The following TPST1 variants were observed in gnomAD, a reference collection of about 807,000 sequenced individuals.
The protein encoded by TPST1 is protein-tyrosine sulfotransferase 1.
TPST1 carries 20 observed loss-of-function variants against 34.8 expected under a neutral mutation model. The ratio of observed to expected loss-of-function variants is 0.57; its 90% CI spans 0.40 to 0.84. The LOEUF (loss-of-function observed/expected upper bound fraction) is 0.84, where lower values mean the gene tolerates loss of function less well. Among genes scored for constraint, TPST1 ranks in the 40% least tolerant of loss-of-function variants. The pLI is 0.00. For missense variants in TPST1, 353 were observed against 455.5 expected (o/e 0.78, Z 2.05); for synonymous variants, 152 against 159.4 (o/e 0.95, Z 0.35).
intron 5 of TPST1, among the ~76,000 whole-genome samples, chr7:66,358,430 A>C (rs924055146): frequency 6.6e-6 from 1 of 151,682 alleles, no homozygotes; most frequent in African/African-American, 2.4e-5. Context: ...TTGCATATAT[A>C]TAAGATGATA....
intron 2 of TPST1, among the ~76,000 whole-genome samples, chr7:66,272,587 CTTTTTTTTTT>C (rs555211164): frequency 7.4e-6 from 1 of 135,884 alleles, no homozygotes; most frequent in African/African-American, 2.7e-5. Flanking sequence ...CACCCCAATT[CTTTTTTTTTT>C]TTTTTTTCTG....
intron 1 of TPST1, among the ~76,000 whole-genome samples, chr7:66,233,587 G>A (rs780429530): frequency 1.3e-5 from 2 of 152,112 alleles, no homozygotes; most frequent in African/African-American, 4.8e-5. Flanking sequence ...ATTGTCTTAC[G>A]ATTGTAGCAT....
chr7:66,359,830 C>T lies in TPST1; in HGVS notation c.*30-65C>T, dbSNP rs527405801. On this transcript the variant is annotated intron_variant, in intron 5 of 5. Coordinates refer to ENST00000304842, the MANE Select transcript of TPST1 (RefSeq NM_003596.4). ...AGGCCTGTAGCTGGGAAGGAAGAGA[C>T]GAAGACACAGGGAGAACACACCGGG... The T allele has an allele frequency of 9.1e-4, 415 of 453,776 alleles. 1 individual carries two copies. Among genetic ancestry groups the T allele is most frequent in the African/African-American group, 7.5e-3 (374 of 50,110 alleles). The allele number at this position is 453,776 out of a possible 1,614,324, so 28.1% of individuals were successfully genotyped here.
At chr7:66,228,834 T>C (rs1789718221) in intron 1 of TPST1, among the ~76,000 whole-genome samples, 2 of 152,210 alleles carry the variant, frequency 1.3e-5, no homozygotes, top group African/African-American at 4.8e-5. Flanking sequence ...CTCCTGTTCT[T>C]GGTTCTCTCC....
At chr7:66,241,318 A>G (rs566420060) in intron 2 of TPST1, 48 bp downstream of exon 2, 1 of 1,553,570 alleles carries the variant, frequency 6.4e-7, no homozygotes, top group Admixed American at 1.9e-5. Context: ...TTAGCTAATA[A>G]TGATCTATAC....
At chr7:66,326,908 G>T (rs1366042075) in intron 3 of TPST1, among the ~76,000 whole-genome samples, 1 of 152,168 alleles carries the variant, frequency 6.6e-6, no homozygotes, top group Admixed American at 6.5e-5. Flanking sequence ...GCACAAGACT[G>T]TTGAACTTTC....
intron 1 of TPST1, among the ~76,000 whole-genome samples, chr7:66,232,097 G>A (rs1789809183): frequency 6.6e-6 from 1 of 152,078 alleles, no homozygotes; most frequent in Non-Finnish European, 1.5e-5. Context: ...TGTGAACATA[G>A]GTGTACAAAT....
chr7:66,276,241 G>T (rs1324821025), intron 2 of TPST1, among the ~76,000 whole-genome samples: 2 of 150,522 alleles, frequency 1.3e-5, no homozygotes, highest in South Asian at 2.1e-4. Flanking sequence ...TTTAGTATTT[G>T]CTGTGTTCCC....
intron 2 of TPST1, among the ~76,000 whole-genome samples, chr7:66,281,562 C>T (rs544828829): frequency 9.2e-5 from 14 of 152,274 alleles, no homozygotes; most frequent in African/African-American, 3.4e-4. Context: ...ATTGTATATA[C>T]ATTTTAAAAT....
intron 3 of TPST1, among the ~76,000 whole-genome samples, chr7:66,336,950 A>G (rs1792133650): frequency 6.6e-6 from 1 of 152,218 alleles, no homozygotes; most frequent in Non-Finnish European, 1.5e-5. Context: ...GGAATGGTAT[A>G]TTTAGAGTGC....
chr7:66,207,033 A>C (rs2116190882), intron 1 of TPST1, among the ~76,000 whole-genome samples: 1 of 152,324 alleles, frequency 6.6e-6, no homozygotes, highest in African/African-American at 2.4e-5. Context: ...AAGCATTGTC[A>C]TTGGCCCTGT....
At chr7:66,225,478 G>A (rs762151904) in intron 1 of TPST1, among the ~76,000 whole-genome samples, 12 of 151,982 alleles carry the variant, frequency 7.9e-5, no homozygotes, top group East Asian at 3.9e-4. Flanking sequence ...TGGGCGTGGC[G>A]GCACATGCCT....
intron 3 of TPST1, among the ~76,000 whole-genome samples, chr7:66,340,443 A>C (rs1385627190): frequency 6.6e-6 from 1 of 152,130 alleles, no homozygotes; most frequent in African/African-American, 2.4e-5. Flanking sequence ...AAAGGAAGAA[A>C]CCACATTATC....
intron 2 of TPST1, among the ~76,000 whole-genome samples, chr7:66,256,687 T>G (rs148366612): frequency 1.5e-3 from 231 of 152,280 alleles, no homozygotes; most frequent in African/African-American, 5.3e-3. Flanking sequence ...GAGAATCAAA[T>G]TCCTAGGCCC....
intron 2 of TPST1, among the ~76,000 whole-genome samples, chr7:66,250,530 C>T (rs1790241267): frequency 6.6e-6 from 1 of 152,084 alleles, no homozygotes; most frequent in African/African-American, 2.4e-5. Flanking sequence ...TCTTGGTTAT[C>T]TCATCTTTCC....
chr7:66,314,049 T>G (rs2116143512), intron 3 of TPST1, among the ~76,000 whole-genome samples: 1 of 152,340 alleles, frequency 6.6e-6, no homozygotes, highest in Admixed American at 6.5e-5. Context: ...ATGTTTCCTC[T>G]TGATTATTAT....
intron 3 of TPST1, among the ~76,000 whole-genome samples, chr7:66,320,262 T>C (rs2116190775): frequency 6.8e-6 from 1 of 147,434 alleles, no homozygotes; most frequent in African/African-American, 2.5e-5. Context: ...TTTTTTTTTT[T>C]TTTGAGACGG....
At chr7:66,312,623 T>C (rs958957289) in intron 3 of TPST1, among the ~76,000 whole-genome samples, 1 of 152,342 alleles carries the variant, frequency 6.6e-6, no homozygotes, top group Admixed American at 6.5e-5. Context: ...TGAAAAGCTC[T>C]ATGCTAAAGA....
intron 1 of TPST1, among the ~76,000 whole-genome samples, chr7:66,220,066 C>T (rs1170016710): frequency 6.6e-6 from 1 of 151,894 alleles, no homozygotes; most frequent in Non-Finnish European, 1.5e-5. Context: ...AGGAGGTGAA[C>T]TCTGTATTTT....
Sources: gnomAD v4.1 joint callset for allele counts (sites outside exome capture counted in the v4.1 genomes callset) on GRCh38, gnomAD v4.1.1 for gene constraint, MANE v1.5 for transcripts, NCBI Gene and HGNC (gene_info 2026-07-23, HGNC 2026-07-21) for gene names.